ATP8A2: variants seen among roughly 807,000 people sequenced by gnomAD.
ATP8A2 encodes ATPase phospholipid transporting 8A2.
In ATP8A2, 100 loss-of-function variants were observed where a neutral mutation model predicts 165.6. The ratio of observed to expected loss-of-function variants is 0.60; its 90% CI spans 0.51 to 0.71. The LOEUF is 0.71. ATP8A2 is among the 30% of genes least tolerant of loss of function. The pLI, the probability that ATP8A2 is intolerant of heterozygous loss-of-function variation, is 0.00. For synonymous variants in ATP8A2, 543 were observed against 548.8 expected, an observed-to-expected ratio of 0.99 and a Z score of 0.15; for missense variants, 1,227 against 1,479.5, an observed-to-expected ratio of 0.83 and a Z score of 2.80.
At chr13:25,796,151 T>C (rs1052783332) in intron 27 of ATP8A2, among the ~76,000 whole-genome samples, 2 of 152,156 alleles carry the variant, frequency 1.3e-5, no homozygotes, top group Non-Finnish European at 2.9e-5. Flanking sequence ...GGTTTCTTCA[T>C]GTTGGCCAGG....
chr13:25,841,855 G>T (rs1951752142), intron 30 of ATP8A2, among the ~76,000 whole-genome samples: 1 of 152,186 alleles, frequency 6.6e-6, no homozygotes. Context: ...CCAGGTCAGG[G>T]AGCTGGCTTC....
chr13:25,931,161 T>G (rs887839753), intron 33 of ATP8A2, among the ~76,000 whole-genome samples: 2 of 152,200 alleles, frequency 1.3e-5, no homozygotes, highest in African/African-American at 4.8e-5. Context: ...ATTCCACACC[T>G]GGGCTGATGT....
chr13:25,579,519 G>A (rs1431275930), intron 21 of ATP8A2, among the ~76,000 whole-genome samples: 1 of 152,096 alleles, frequency 6.6e-6, no homozygotes, highest in Non-Finnish European at 1.5e-5. Context: ...GCTGAAACCT[G>A]TTTACTGCAC....
At chr13:25,679,412 A>G (rs1172104036) in intron 24 of ATP8A2, among the ~76,000 whole-genome samples, 1 of 152,208 alleles carries the variant, frequency 6.6e-6, no homozygotes, top group Non-Finnish European at 1.5e-5. Flanking sequence ...ATGTAGCATT[A>G]GAAGAAGGCC....
chr13:25,683,578 G>A (rs2042539153), intron 24 of ATP8A2, among the ~76,000 whole-genome samples: 1 of 152,148 alleles, frequency 6.6e-6, no homozygotes, highest in Non-Finnish European at 1.5e-5. Flanking sequence ...TTAACCAGTA[G>A]GGAGAGGTAG....
intron 27 of ATP8A2, among the ~76,000 whole-genome samples, chr13:25,818,499 A>T (rs1951083613): frequency 1.3e-5 from 2 of 152,238 alleles, no homozygotes; most frequent in South Asian, 4.1e-4. Context: ...TATGAGCCAT[A>T]ATATCTTTCA....
rs199775884 is a variant in ATP8A2, at chr13:25,718,703, AT to A, written c.2384+19365del. 7.7e-3 allele frequency among the ~76,000 whole-genome samples: 1,175 copies of A among 152,280 alleles called. 6 individuals carry two copies. Among genetic ancestry groups the A allele is most frequent in the Middle Eastern group, 0.027 (8 of 294 alleles). On this transcript the variant is annotated intron_variant, in intron 25 of 36. Transcript: ENST00000381655. ...GTGTGAATCACAGAAAGGAAATTAG[AT>A]TTTTTTAGCCCCAAATAAGAAAGAT...
chr13:25,464,237 C>T (rs1399771041), intron 1 of ATP8A2, among the ~76,000 whole-genome samples: 1 of 152,070 alleles, frequency 6.6e-6, no homozygotes, highest in Non-Finnish European at 1.5e-5. Context: ...AGGAATTTGT[C>T]CCTCCTCTTT....
intron 24 of ATP8A2, among the ~76,000 whole-genome samples, chr13:25,619,900 T>C (rs1406342476): frequency 6.6e-6 from 1 of 152,172 alleles, no homozygotes; most frequent in East Asian, 1.9e-4. Context: ...GGCTATGGGA[T>C]ATATTTGGCC....
intron 34 of ATP8A2, among the ~76,000 whole-genome samples, chr13:25,965,021 T>C (rs1452233706): frequency 6.6e-6 from 1 of 152,110 alleles, no homozygotes; most frequent in African/African-American, 2.4e-5. Context: ...TAGTTGGGCA[T>C]GATGGCGAGT....
At position 25,750,259 on chromosome 13, in the gene ATP8A2, A is replaced by G. The variant is rs2044125539; in HGVS notation, c.2385-18787A>G. Among the ~76,000 whole-genome samples the G allele has an allele frequency of 6.6e-6, 1 of 152,206 alleles. No individual in the cohort carries two copies. On this transcript the variant is annotated intron_variant, in intron 25 of 36. Coordinates refer to ENST00000381655, the MANE Select transcript of ATP8A2 (RefSeq NM_016529.6). This position sits in a 1 kb window ranked among gnomAD's most constrained non-coding sequence, Gnocchi z 4.3. ...TCCTGACCCAGGCAGAGCAGGCTGC[A>G]TTTCTCAGAGTAGTCGCTAGAGTTT...
intron 24 of ATP8A2, among the ~76,000 whole-genome samples, chr13:25,640,203 C>T (rs1018449568): frequency 1.3e-5 from 2 of 152,006 alleles, no homozygotes; most frequent in Non-Finnish European, 2.9e-5. Flanking sequence ...ACTAGAGAAA[C>T]AAGAGCAAAC....
intron 2 of ATP8A2, among the ~76,000 whole-genome samples, chr13:25,471,443 T>G (rs974200160): frequency 1.3e-5 from 2 of 149,336 alleles, no homozygotes; most frequent in Admixed American, 6.7e-5. Context: ...CTCCGCCTCC[T>G]GGGTTCAAGT....
chr13:25,448,672 CAG>C (rs1206264265), intron 1 of ATP8A2, among the ~76,000 whole-genome samples: 1 of 151,958 alleles, frequency 6.6e-6, no homozygotes, highest in Admixed American at 6.6e-5. Context: ...TTTTTTGAGA[CAG>C]AGTCTCACTC....
chr13:25,413,109 T>A (rs1239067607), intron 1 of ATP8A2, among the ~76,000 whole-genome samples: 1 of 151,982 alleles, frequency 6.6e-6, no homozygotes, highest in Non-Finnish European at 1.5e-5. Flanking sequence ...TGAGCCACCG[T>A]GCTGGCCCTA....
At chr13:25,779,665 A>G (rs1305500226) in intron 27 of ATP8A2, among the ~76,000 whole-genome samples, 2 of 152,212 alleles carry the variant, frequency 1.3e-5, no homozygotes, top group African/African-American at 2.4e-5. Context: ...GATGGCAAGC[A>G]GAGAACTTAC....
intron 24 of ATP8A2, among the ~76,000 whole-genome samples, chr13:25,592,738 G>A (rs1368252796): frequency 2.0e-5 from 3 of 152,036 alleles, no homozygotes; most frequent in Admixed American, 2.0e-4. Flanking sequence ...GATGTTTTCT[G>A]GAGTCCAAGA....
At chr13:25,787,919 G>A (rs536781185) in intron 27 of ATP8A2, among the ~76,000 whole-genome samples, 19 of 152,344 alleles carry the variant, frequency 1.2e-4, no homozygotes, top group Non-Finnish European at 2.4e-4. Flanking sequence ...GGTAGAAGAC[G>A]GAGGAGTTGG....
chr13:25,488,644 G>T (rs1463222474), intron 2 of ATP8A2, among the ~76,000 whole-genome samples: 1 of 152,148 alleles, frequency 6.6e-6, no homozygotes, highest in East Asian at 1.9e-4. Flanking sequence ...GGTGGAGGTT[G>T]CAGTGAGCCA....
Sources: gnomAD v4.1 joint callset for allele counts (sites outside exome capture counted in the v4.1 genomes callset) on GRCh38, gnomAD v4.1.1 for gene constraint, Gnocchi (gnomAD v3.1) non-coding constraint, MANE v1.5 for transcripts, NCBI Gene and HGNC (gene_info 2026-07-23, HGNC 2026-07-21) for gene names.